The following TNRC6B variants were observed in gnomAD, a reference collection of about 807,000 sequenced individuals.
TNRC6B encodes the protein trinucleotide repeat-containing gene 6B protein.
In TNRC6B, 52 loss-of-function variants were observed where a neutral mutation model predicts 203.6. The ratio of observed to expected loss-of-function variants is 0.26; its 90% CI spans 0.20 to 0.32. TNRC6B has a LOEUF of 0.32. TNRC6B is among the 10% of genes least tolerant of loss of function. The probability of loss-of-function intolerance (pLI) is 1.00; values close to 1 mark genes in which losing one functional copy is unlikely to be tolerated. For missense variants in TNRC6B, 1,923 were observed against 2,286.2 expected, an observed-to-expected ratio of 0.84 and a Z score of 3.24; for synonymous variants, 838 against 845.7, an observed-to-expected ratio of 0.99 and a Z score of 0.16.
intron 1 of TNRC6B, among the ~76,000 whole-genome samples, chr22:40,080,284 A>G (rs1437571993): frequency 6.6e-6 from 1 of 150,936 alleles, no homozygotes; most frequent in Non-Finnish European, 1.5e-5. Context: ...TCCCTAGGGC[A>G]TTGTATTGCA....
intron 1 of TNRC6B, among the ~76,000 whole-genome samples, chr22:40,180,927 C>T (rs147100665): frequency 6.6e-6 from 1 of 152,204 alleles, no homozygotes; most frequent in Non-Finnish European, 1.5e-5. Context: ...AATGCTGGAT[C>T]AACTAGTGAT....
chr22:40,106,722 G>T (rs1039265177), intron 1 of TNRC6B: 8 of 762,064 alleles, frequency 1.0e-5, no homozygotes, highest in Middle Eastern at 2.3e-4. Context: ...AAGATTTCAG[G>T]AAGGCGAAGA....
upstream of TNRC6B, among the ~76,000 whole-genome samples, chr22:40,177,710 A>G (rs1265411170): frequency 3.9e-5 from 6 of 152,210 alleles, no homozygotes; most frequent in Non-Finnish European, 7.3e-5. Flanking sequence ...TGTTTTGTTC[A>G]TCTGTTACCC....
In TNRC6B at chr22:40,266,788, C is replaced by G; in HGVS notation, c.2558C>G (p.Pro853Arg). The G allele has an allele frequency of 6.2e-7, 1 of 1,613,572 alleles. No homozygotes were observed. The highest frequency in any genetic ancestry group is 1.1e-5 in the South Asian group (1 of 91,028). Residue 853 changes from proline (P) to arginine (R), a missense_variant, in exon 5 of 23, where the codon CCT (proline) becomes CGT (arginine). Coordinates refer to ENST00000454349, the MANE Select transcript of TNRC6B (RefSeq NM_001162501.2). Reference protein sequence around the residue: ...PPPPPPGNVRPSNSSWSSGPQ... With the variant: ...PPPPPPGNVRRSNSSWSSGPQ... ...CCACCACCTCCAGGCAACGTTCGACCTTCCAATTCCAGCTGGAGCAGCGGG... is the reference window on the plus strand; with the variant it reads ...CCACCACCTCCAGGCAACGTTCGACGTTCCAATTCCAGCTGGAGCAGCGGG...
At chr22:40,203,900 T>C (rs1039466898) in intron 1 of TNRC6B, among the ~76,000 whole-genome samples, 1 of 152,198 alleles carries the variant, frequency 6.6e-6, no homozygotes, top group Non-Finnish European at 1.5e-5. Flanking sequence ...CCTCTAGTTG[T>C]TCTTTTATTG....
intron 4 of TNRC6B, among the ~76,000 whole-genome samples, chr22:40,170,841 A>G (rs1175590569): frequency 2.0e-5 from 2 of 97,978 alleles, no homozygotes; most frequent in Non-Finnish European, 2.0e-5. Flanking sequence ...ACATATATGT[A>G]CATATATGTG....
intron 11 of TNRC6B, among the ~76,000 whole-genome samples, chr22:40,285,422 C>A (rs2070767505): frequency 6.6e-6 from 1 of 152,176 alleles, no homozygotes; most frequent in Admixed American, 6.5e-5. Context: ...TGACATTGAA[C>A]CCTTTCCGTT....
At chr22:40,152,407 A>G (rs1462148969) in intron 3 of TNRC6B, among the ~76,000 whole-genome samples, 2 of 152,184 alleles carry the variant, frequency 1.3e-5, no homozygotes, top group Non-Finnish European at 2.9e-5. Flanking sequence ...GCTCACTGCA[A>G]GCTCCGCCTC....
intron 1 of TNRC6B, among the ~76,000 whole-genome samples, chr22:40,067,511 C>T (rs1313434183): frequency 6.6e-6 from 1 of 152,102 alleles, no homozygotes; most frequent in East Asian, 1.9e-4. Flanking sequence ...CACAATAGCC[C>T]GTCTGCAAGT....
intron 1 of TNRC6B, among the ~76,000 whole-genome samples, chr22:40,213,780 G>A (rs184703186): frequency 6.6e-6 from 1 of 152,254 alleles, no homozygotes; most frequent in Admixed American, 6.5e-5. Context: ...TCTGCTTTTG[G>A]GGGAAGTCTT....
intron 21 of TNRC6B, among the ~76,000 whole-genome samples, chr22:40,317,312 GC>G (rs1486720996): frequency 6.6e-6 from 1 of 152,192 alleles, no homozygotes. Context: ...AGTCGCAGTG[GC>G]TCACGCCTGT....
intron 1 of TNRC6B, among the ~76,000 whole-genome samples, chr22:40,049,060 G>T (rs1413649207): frequency 6.6e-6 from 1 of 152,024 alleles, no homozygotes; most frequent in Non-Finnish European, 1.5e-5. Context: ...AGAATAGAAG[G>T]TAACATTTGT....
chr22:40,132,945 A>AAAATAAAAAAT lies in TNRC6B; in HGVS notation c.45+7086_45+7087insTAAAAAATAAA, dbSNP rs1293411636. The stretch of plus-strand genomic sequence containing the variant: ...GGGGACAGAGCAAGACTCTGTCTCA[A>AAAATAAAAAAT]AAAAAAAAAAAAAAAAAAAAAAAAA... On this transcript the variant is annotated intron_variant, in intron 3 of 23. Coordinates refer to the TNRC6B transcript ENST00000301923. Among the ~76,000 whole-genome samples, 27 of 13,486 alleles carry AAAATAAAAAAT rather than the reference A, an allele frequency of 2.0e-3. 1 individual carries two copies. The highest frequency in any genetic ancestry group is 7.4e-3 in the South Asian group (2 of 272). The allele number at this position is 13,486 out of a possible 152,430, so 8.8% of individuals were successfully genotyped here.
At chr22:40,062,223 T>C (rs775352382) in intron 1 of TNRC6B, among the ~76,000 whole-genome samples, 2 of 152,152 alleles carry the variant, frequency 1.3e-5, no homozygotes, top group Non-Finnish European at 2.9e-5. Flanking sequence ...TTTTTTGAGA[T>C]AGAGTCTCAC....
At chr22:40,157,510 A>G (rs888344625) in intron 4 of TNRC6B, among the ~76,000 whole-genome samples, 2 of 152,340 alleles carry the variant, frequency 1.3e-5, no homozygotes, top group Non-Finnish European at 2.9e-5. Flanking sequence ...AATGGAAACC[A>G]GGATATTTTC....
intron 3 of TNRC6B, chr22:40,253,486 C>A (rs1308685956): frequency 2.2e-6 from 1 of 447,212 alleles, no homozygotes; most frequent in Non-Finnish European, 4.5e-6. Flanking sequence ...ATCAAACTTT[C>A]CTTTCTACTC....
chr22:40,273,742 G>A (rs549342706), intron 7 of TNRC6B, 142 bp downstream of exon 7: 28 of 874,308 alleles, frequency 3.2e-5, no homozygotes, highest in Non-Finnish European at 4.2e-5. Flanking sequence ...ACGACTCGCT[G>A]AGCAACCTCC....
At chr22:40,300,707 T>A in intron 13 of TNRC6B, 121 bp downstream of exon 13, 1 of 1,362,076 alleles carries the variant, frequency 7.3e-7, no homozygotes, top group Non-Finnish European at 9.9e-7. Flanking sequence ...AGTCCACACT[T>A]CTTTGCAAAC....
intron 1 of TNRC6B, among the ~76,000 whole-genome samples, chr22:40,061,929 C>T (rs1282429310): frequency 6.6e-6 from 1 of 151,882 alleles, no homozygotes; most frequent in Non-Finnish European, 1.5e-5. Flanking sequence ...CAAAAATTAG[C>T]TGGGCGTGGT....
Sources: gnomAD v4.1 joint callset for allele counts (sites outside exome capture counted in the v4.1 genomes callset) on GRCh38, gnomAD v4.1.1 for gene constraint, MANE v1.5 for transcripts, NCBI Gene and HGNC (gene_info 2026-07-23, HGNC 2026-07-21) for gene names.